The following VPS41 variants were observed in gnomAD, a reference collection of about 807,000 sequenced individuals.
VPS41 encodes vacuolar protein sorting-associated protein 41 homolog.
Under a neutral mutation model 130.9 loss-of-function variants are expected in VPS41, and 85 were observed. The ratio of observed to expected loss-of-function variants is 0.65; its 90% CI spans 0.55 to 0.78. The LOEUF (loss-of-function observed/expected upper bound fraction) is 0.78, where lower values mean the gene tolerates loss of function less well. Among genes scored for constraint, VPS41 ranks in the 30% least tolerant of loss-of-function variants. The pLI, the probability that VPS41 is intolerant of heterozygous loss-of-function variation, is 0.00. For synonymous variants in VPS41, 335 were observed against 332.9 expected (o/e 1.01, Z -0.07); for missense variants, 874 against 1,018.7 (o/e 0.86, Z 1.93).
chr7:38,877,780 T>C (rs1786522524), intron 2 of VPS41, among the ~76,000 whole-genome samples: 1 of 152,204 alleles, frequency 6.6e-6, no homozygotes, highest in African/African-American at 2.4e-5. Flanking sequence ...GACACATTTG[T>C]TGAATCTAAA....
At chr7:38,886,681 G>A (rs868441936) in intron 2 of VPS41, among the ~76,000 whole-genome samples, 5 of 152,176 alleles carry the variant, frequency 3.3e-5, no homozygotes, top group African/African-American at 7.2e-5. Flanking sequence ...CTCCCAGCAC[G>A]GCATTTGAGC....
intron 10 of VPS41, among the ~76,000 whole-genome samples, chr7:38,785,310 A>G (rs984777722): frequency 1.3e-5 from 2 of 152,256 alleles, no homozygotes; most frequent in African/African-American, 4.8e-5. Flanking sequence ...GCTTTACATC[A>G]GCAAATTATG....
chr7:38,864,691 A>G (rs1474480454), intron 3 of VPS41, among the ~76,000 whole-genome samples: 1 of 152,184 alleles, frequency 6.6e-6, no homozygotes, highest in African/African-American at 2.4e-5. Flanking sequence ...CAACATAAAT[A>G]CAAATTCTCA....
intron 4 of VPS41, among the ~76,000 whole-genome samples, chr7:38,858,443 G>A (rs1482299245): frequency 1.3e-5 from 2 of 152,136 alleles, no homozygotes; most frequent in Non-Finnish European, 2.9e-5. Context: ...AATGAGGCAT[G>A]TCTGACTCCC....
At chr7:38,770,438 T>G (rs1784134222) in intron 14 of VPS41, among the ~76,000 whole-genome samples, 1 of 152,106 alleles carries the variant, frequency 6.6e-6, no homozygotes, top group South Asian at 2.1e-4. Context: ...TTTTTTTTTT[T>G]TTTAAGATGC....
At chr7:38,769,050 A>C (rs1784105862) in intron 14 of VPS41, among the ~76,000 whole-genome samples, 1 of 152,198 alleles carries the variant, frequency 6.6e-6, no homozygotes, top group Non-Finnish European at 1.5e-5. Context: ...ACATGTTCAG[A>C]ATAAATAATA....
chr7:38,780,127 G>A (rs1295218560), intron 10 of VPS41, among the ~76,000 whole-genome samples: 1 of 149,462 alleles, frequency 6.7e-6, no homozygotes, highest in Non-Finnish European at 1.5e-5. Context: ...TTCTGCTAGA[G>A]AGGAAATACA....
intron 25 of VPS41, among the ~76,000 whole-genome samples, chr7:38,730,133 G>A (rs1374087011): frequency 6.6e-6 from 1 of 152,186 alleles, no homozygotes; most frequent in Non-Finnish European, 1.5e-5. Context: ...CCAGCTCTGA[G>A]GCTGAGAAGC....
Position 38,795,461 on chromosome 7 carries a change from C to T in VPS41, c.717+4G>A. 6.2e-7 allele frequency: 1 copy of T among 1,609,262 alleles called. No individual in the cohort carries two copies. Among genetic ancestry groups the T allele is most frequent in the Non-Finnish European group, 8.5e-7 (1 of 1,177,450 alleles). On this transcript the variant is annotated splice_donor_region_variant and intron_variant, in intron 9 of 28. Transcript: ENST00000310301. Reference sequence around the variant, plus strand: ...GGACTTATTATAAAGACAAGCAAAACCACCTTGACAGAAGTCCCCCAGCCA... The same window carrying T: ...GGACTTATTATAAAGACAAGCAAAATCACCTTGACAGAAGTCCCCCAGCCA...
intron 3 of VPS41, among the ~76,000 whole-genome samples, chr7:38,866,536 AAGAT>A (rs1786232963): frequency 6.6e-6 from 1 of 152,194 alleles, no homozygotes; most frequent in South Asian, 2.1e-4. Context: ...ATAAAGAACA[AAGAT>A]AGATCCAAGT....
chr7:38,794,751 A>G lies in VPS41; in HGVS notation c.717+714T>C, dbSNP rs562575030. 3.5e-4 allele frequency among the ~76,000 whole-genome samples: 53 copies of G among 152,296 alleles called. 1 individual carries two copies. Among genetic ancestry groups the G allele is most frequent in the African/African-American group, 1.2e-3 (50 of 41,568 alleles). On this transcript the variant is annotated intron_variant, in intron 9 of 28. Coordinates refer to ENST00000310301, the MANE Select transcript of VPS41 (RefSeq NM_014396.4). Reference sequence around the variant, plus strand: ...GAGACTACTGCTGGGATACTCTCTCATGCCATTTTTATACTTCCACTAATT... The same window carrying G: ...GAGACTACTGCTGGGATACTCTCTCGTGCCATTTTTATACTTCCACTAATT...
chr7:38,852,997 C>T (rs1785891717), intron 4 of VPS41, among the ~76,000 whole-genome samples: 1 of 152,176 alleles, frequency 6.6e-6, no homozygotes, highest in Admixed American at 6.5e-5. Flanking sequence ...GCTCCTATTG[C>T]ATCTCACCAT....
At chr7:38,745,535 C>A in intron 23 of VPS41, 24 bp downstream of exon 23, 1 of 1,599,386 alleles carries the variant, frequency 6.3e-7, no homozygotes, top group South Asian at 1.1e-5. Flanking sequence ...TTTATGGGGA[C>A]CAAAATGAAT....
At position 38,728,722 on chromosome 7, in the gene VPS41, G is replaced by A. The variant is rs369987259; in HGVS notation, c.2329C>T (p.Arg777Ter). The A allele has an allele frequency of 5.1e-5, 83 of 1,613,892 alleles. No homozygotes were observed. The highest frequency in any genetic ancestry group is 6.4e-5 in the Non-Finnish European group (76 of 1,180,018). ...ACAAGAACACCTTTCATTTGAGTTC[G>A]GTGCATTTTCTTCAGTAAGGACAAA... ...DSLSLLKKMH[R>*]TQMKGVLVDE... is the part of the protein sequence containing the mutation. The change falls in exon 26 of 29, where the codon CGA (arginine) becomes TGA (stop). Residue 777 changes from arginine (R) to a stop codon, truncating the protein, a stop_gained. Coordinates refer to ENST00000310301, the MANE Select transcript of VPS41 (RefSeq NM_014396.4). LOFTEE classifies it high-confidence loss of function.
chr7:38,875,564 A>T (rs1451371696), intron 2 of VPS41, among the ~76,000 whole-genome samples: 1 of 152,226 alleles, frequency 6.6e-6, no homozygotes, highest in Non-Finnish European at 1.5e-5. Context: ...GGTAGGAAAG[A>T]TGGCTTTATA....
At chr7:38,820,677 T>C (rs1333424935) in intron 6 of VPS41, among the ~76,000 whole-genome samples, 1 of 152,246 alleles carries the variant, frequency 6.6e-6, no homozygotes, top group Non-Finnish European at 1.5e-5. Context: ...CAGTCTTTTA[T>C]GTACCAAATA....
chr7:38,848,592 A>G (rs1785777884), intron 4 of VPS41, among the ~76,000 whole-genome samples: 1 of 152,224 alleles, frequency 6.6e-6, no homozygotes, highest in South Asian at 2.1e-4. Flanking sequence ...GCCTTATGTT[A>G]CATATTTTAC....
chr7:38,859,117 A>G (rs1414217360), intron 4 of VPS41, among the ~76,000 whole-genome samples: 2 of 152,070 alleles, frequency 1.3e-5, no homozygotes, highest in East Asian at 3.8e-4. Flanking sequence ...GAAGTAAAAA[A>G]GAAAAAAAAA....
chr7:38,746,041 T>G (rs1795978693), intron 22 of VPS41: 1 of 162,614 alleles, frequency 6.1e-6, no homozygotes, highest in African/African-American at 2.4e-5. Context: ...CCTAGTATTG[T>G]GCATACCATA....
Sources: gnomAD v4.1 joint callset for allele counts (sites outside exome capture counted in the v4.1 genomes callset) on GRCh38, gnomAD v4.1.1 for gene constraint, MANE v1.5 for transcripts, NCBI Gene and HGNC (gene_info 2026-07-23, HGNC 2026-07-21) for gene names.